Variants in MTRF1 observed in about 807,000 individuals in gnomAD.
MTRF1 encodes peptide chain release factor 1, mitochondrial.
Under a neutral mutation model 62.9 loss-of-function variants are expected in MTRF1, and 51 were observed. The ratio of observed to expected loss-of-function variants is 0.81; its 90% CI spans 0.65 to 1.02. The LOEUF is 1.02. Ranked by LOEUF, MTRF1 falls within the 50% of genes least tolerant of loss-of-function variation. The pLI is 0.00. For synonymous variants in MTRF1, 158 were observed against 181.9 expected, an observed-to-expected ratio of 0.87 and a Z score of 1.06; for missense variants, 446 against 530.0, an observed-to-expected ratio of 0.84 and a Z score of 1.56.
At chr13:41,287,487 C>T in the MTRF1 span, among the ~76,000 whole-genome samples, 1 of 152,032 alleles carries the variant, frequency 6.6e-6, no homozygotes, top group Non-Finnish European at 1.5e-5. Context: ...ACATATCAAA[C>T]GATATTAAGG....
At chr13:41,266,828 T>TA (rs1242505583), upstream of MTRF1, among the ~76,000 whole-genome samples, 3 of 151,542 alleles carry the variant, frequency 2.0e-5, no homozygotes, top group African/African-American at 7.3e-5. Flanking sequence ...CCATCTCTTC[T>TA]AAAAAAATAC....
chr13:41,296,593 A>C, the MTRF1 span, among the ~76,000 whole-genome samples: 13 of 152,154 alleles, frequency 8.5e-5, no homozygotes, highest in Non-Finnish European at 1.8e-4. Context: ...ATAATATTAG[A>C]TCTTCTCTCA....
chr13:41,311,506 A>C, the MTRF1 span: 2 of 1,587,606 alleles, frequency 1.3e-6, no homozygotes, highest in Non-Finnish European at 8.6e-7. Flanking sequence ...CCTGCCGGCC[A>C]CCTAGCCTCC....
intron 2 of MTRF1, 80 bp from the exon 3 acceptor site, chr13:41,254,700 G>T (rs2039493840): frequency 1.9e-6 from 2 of 1,026,954 alleles, no homozygotes; most frequent in South Asian, 1.5e-5. Context: ...TTCCTCTTTG[G>T]CTACTAAGTT....
In MTRF1 at chr13:41,260,872, A is replaced by T. The variant is rs530833005; in HGVS notation, c.36T>A (p.His12Gln). 3 of 1,610,470 alleles carry T rather than the reference A, an allele frequency of 1.9e-6. No homozygotes were observed. The African/African-American group carries it at 4.0e-5, about 21-fold the overall frequency. The change falls in exon 2 of 10, where the codon CAT (histidine) becomes CAA (glutamine). Residue 12 changes from histidine to glutamine, a missense_variant. Transcript: ENST00000379480. ...NRHLCVWLFR[H>Q]PSLNGYLQCH... ...ACTGGAGGTAACCATTAAGAGATGGATGTCTAAAAAGCCAAACACACAGGT... is the reference window on the plus strand; with the variant it reads ...ACTGGAGGTAACCATTAAGAGATGGTTGTCTAAAAAGCCAAACACACAGGT...
chr13:41,310,317 G>A, the MTRF1 span, among the ~76,000 whole-genome samples: 1 of 152,166 alleles, frequency 6.6e-6, no homozygotes, highest in African/African-American at 2.4e-5. Flanking sequence ...ATGGCTTTCA[G>A]GAAGGGGAAC....
At position 41,227,409 on chromosome 13, in the gene MTRF1, C is replaced by T. The variant is rs1054150956; in HGVS notation, c.989-841G>A. ...TCTGAGTTTTCTGAGTTCTAAATTT[C>T]TAAGTTGTTCTGCGTAGTCTAAGTT... On this transcript the variant is annotated intron_variant, in intron 7 of 9. Coordinates refer to ENST00000379480, the MANE Select transcript of MTRF1 (RefSeq NM_004294.4). 1.1e-4 allele frequency among the ~76,000 whole-genome samples: 16 copies of T among 152,116 alleles called. No homozygotes were observed. The South Asian group carries it at 3.3e-3, about 32-fold the overall frequency.
chr13:41,273,053 A>C, the MTRF1 span, among the ~76,000 whole-genome samples: 1 of 152,128 alleles, frequency 6.6e-6, no homozygotes, highest in African/African-American at 2.4e-5. Flanking sequence ...ATGGCTGGGC[A>C]TGGTGGCTCA....
At chr13:41,227,116 C>A (rs2034575236) in intron 7 of MTRF1, among the ~76,000 whole-genome samples, 1 of 151,902 alleles carries the variant, frequency 6.6e-6, no homozygotes, top group Non-Finnish European at 1.5e-5. Context: ...CAGTGAAACC[C>A]CATCTCTAAA....
the MTRF1 span, among the ~76,000 whole-genome samples, chr13:41,273,134 A>G: frequency 0.068 from 10,380 of 151,826 alleles, 483 homozygotes; most frequent in African/African-American, 0.13. Context: ...AGACCATCCT[A>G]GCTAACACAG....
the MTRF1 span, among the ~76,000 whole-genome samples, chr13:41,285,185 A>G: frequency 6.6e-6 from 1 of 152,192 alleles, no homozygotes. Context: ...TCTGTAGTCA[A>G]TGATGGTATC....
intron 5 of MTRF1, among the ~76,000 whole-genome samples, chr13:41,245,397 T>G (rs530492928): frequency 1.3e-5 from 2 of 152,156 alleles, no homozygotes; most frequent in South Asian, 4.1e-4. Flanking sequence ...TGTGCCACCA[T>G]GCTCAGCTAA....
At chr13:41,299,560 T>C in the MTRF1 span, among the ~76,000 whole-genome samples, 2 of 152,162 alleles carry the variant, frequency 1.3e-5, no homozygotes, top group Admixed American at 6.6e-5. Context: ...GTGTTTCTAG[T>C]GGTGGATCTC....
chr13:41,275,842 G>C, the MTRF1 span, among the ~76,000 whole-genome samples: 1 of 152,032 alleles, frequency 6.6e-6, no homozygotes, highest in African/African-American at 2.4e-5. Flanking sequence ...AGTCAGATTT[G>C]CTCCAGGCTC....
the MTRF1 span, among the ~76,000 whole-genome samples, chr13:41,287,432 G>C: frequency 7.9e-5 from 12 of 152,214 alleles, no homozygotes; most frequent in Non-Finnish European, 1.5e-4. Context: ...CTGCCCCCAT[G>C]ATCCACACTG....
chr13:41,293,430 C>A, the MTRF1 span, among the ~76,000 whole-genome samples: 11 of 152,120 alleles, frequency 7.2e-5, no homozygotes, highest in Non-Finnish European at 1.2e-4. Context: ...ACTGGTCAGA[C>A]AGTTTTATAT....
At position 41,223,260 on chromosome 13, in the gene MTRF1, A is replaced by G. The variant is rs2033767081; in HGVS notation, c.1220T>C (p.Ile407Thr). 1.9e-6 allele frequency: 3 copies of G among 1,609,210 alleles called. No individual in the cohort carries two copies. Among genetic ancestry groups the G allele is most frequent in the South Asian group, 1.1e-5 (1 of 90,740 alleles). Residue 407 changes from isoleucine to threonine, a missense_variant, in exon 9 of 10, where the codon ATT (isoleucine) becomes ACT (threonine). Coordinates refer to ENST00000379480, the MANE Select transcript of MTRF1 (RefSeq NM_004294.4). ...AAGCATACTCAGTAGTATTACCTTA[A>G]TATCACGAACTTCATATGCTATCCT... ...DHRIAYEVRDIKEFLCGGKGL... is the reference protein window; with the variant it reads ...DHRIAYEVRDTKEFLCGGKGL...
rs529781219 is a variant in MTRF1 at position 41,240,291 on chromosome 13, C to A, written c.840G>T (p.Met280Ile). 1.2e-6 allele frequency: 2 copies of A among 1,611,584 alleles called. No homozygotes were observed. Among genetic ancestry groups the A allele is most frequent in the African/African-American group, 2.7e-5 (2 of 74,956 alleles). The change falls in exon 6 of 10, where the codon ATG becomes ATT. Residue 280 changes from methionine (M) to isoleucine (I), a missense_variant. Transcript: ENST00000379480. ...CTGGCTGAGGAAGGACAATAACCGA[C>A]ATCGTTCCTGTGTGAATGCGCTGCA... is the stretch of plus-strand genomic sequence containing the variant. Reference protein sequence around the residue: ...SRMQRIHTGTMSVIVLPQPDE... With the variant: ...SRMQRIHTGTISVIVLPQPDE...
the MTRF1 span, among the ~76,000 whole-genome samples, chr13:41,271,851 G>A: frequency 3.3e-5 from 5 of 152,026 alleles, no homozygotes; most frequent in African/African-American, 1.2e-4. Context: ...TCATGCAAAT[G>A]CACACAGACA....
Sources: allele counts gnomAD v4.1 joint callset (sites outside exome capture counted in the v4.1 genomes callset), GRCh38; gene constraint gnomAD v4.1.1; transcripts MANE v1.5; gene names NCBI Gene and HGNC (gene_info 2026-07-23, HGNC 2026-07-21).